Variants in STK4 observed in about 807,000 individuals in gnomAD.
STK4 encodes serine/threonine-protein kinase 4.
Under a neutral mutation model 64.9 loss-of-function variants are expected in STK4, and 30 were observed. The ratio of observed to expected loss-of-function variants is 0.46; its 90% CI spans 0.35 to 0.63. The LOEUF (loss-of-function observed/expected upper bound fraction) is 0.63, where lower values mean the gene tolerates loss of function less well. STK4 is among the 20% of genes least tolerant of loss of function. The pLI, the probability that STK4 is intolerant of heterozygous loss-of-function variation, is 0.01. For missense variants in STK4, 466 were observed against 598.5 expected, an observed-to-expected ratio of 0.78 and a Z score of 2.31; for synonymous variants, 177 against 199.0, an observed-to-expected ratio of 0.89 and a Z score of 0.93.
chr20:45,031,331 G>A (rs2068438899), intron 10 of STK4, among the ~76,000 whole-genome samples: 1 of 152,156 alleles, frequency 6.6e-6, no homozygotes, highest in Non-Finnish European at 1.5e-5. Context: ...TAGACTATGT[G>A]TAAGGAAGGA....
chr20:44,987,143 T>G lies in STK4; in HGVS notation c.372T>G (p.Asp124Glu). Residue 124 changes from aspartate (D) to glutamate (E), a missense_variant, in exon 5 of 11, where the codon GAT becomes GAG. Asp to Glu is a conservative substitution (Grantham distance 45). Around this residue, in one of 2 missense-constraint regions of STK4, gnomAD observed 190 missense variants for 289.7 expected, o/e 0.66. Coordinates refer to ENST00000372806, the MANE Select transcript of STK4 (RefSeq NM_006282.5). ...IRLRNKTLTEDEIATILQSTL... is the reference protein window; with the variant it reads ...IRLRNKTLTEEEIATILQSTL... ...TATTCTTTTTTCAGTTAACAGAAGATGAAATAGCTACAATATTACAATCAA... is the reference window on the plus strand; with the variant it reads ...TATTCTTTTTTCAGTTAACAGAAGAGGAAATAGCTACAATATTACAATCAA... The G allele has an allele frequency of 3.8e-6, 6 of 1,588,730 alleles. No individual in the cohort carries two copies. The highest frequency in any genetic ancestry group is 5.1e-6 in the Non-Finnish European group (6 of 1,168,200).
chr20:44,995,473 G>A (rs997391635), intron 6 of STK4, among the ~76,000 whole-genome samples: 2 of 151,970 alleles, frequency 1.3e-5, no homozygotes, highest in Non-Finnish European at 2.9e-5. Context: ...GGGTGTGGTG[G>A]CGTGCGCCTG....
At chr20:45,051,345 A>G (rs377064368) in intron 10 of STK4, among the ~76,000 whole-genome samples, 7 of 151,930 alleles carry the variant, frequency 4.6e-5, no homozygotes, top group African/African-American at 1.7e-4. Flanking sequence ...AATGCTTTTT[A>G]TTTTTCTCTT....
At chr20:45,021,828 A>G (rs6017469) in intron 9 of STK4, among the ~76,000 whole-genome samples, 23,121 of 152,212 alleles carry the variant, frequency 0.15, 1,914 homozygotes, top group East Asian at 0.22. Flanking sequence ...ATCCTACTAG[A>G]GATAAGAACT....
At chr20:45,026,900 A>G (rs1206399751) in intron 10 of STK4, among the ~76,000 whole-genome samples, 1 of 152,124 alleles carries the variant, frequency 6.6e-6, no homozygotes, top group Non-Finnish European at 1.5e-5. Flanking sequence ...CCAGGCTGCC[A>G]CTGCTAATCA....
Position 45,001,339 on chromosome 20 carries a change from A to C in STK4, c.1133A>C (p.Glu378Ala). The change falls in exon 9 of 11, where the codon GAA becomes GCA. Residue 378 changes from glutamate to alanine, a missense_variant. Coordinates refer to ENST00000372806, the MANE Select transcript of STK4 (RefSeq NM_006282.5). ...MVINAEDEEE[E>A]GTMKRRDETM... is the part of the protein sequence containing the mutation. ...ATCAATGCAGAGGATGAGGAAGAGGAAGGAACTATGAAAAGTAAGGCTCTG... is the reference window on the plus strand; with the variant it reads ...ATCAATGCAGAGGATGAGGAAGAGGCAGGAACTATGAAAAGTAAGGCTCTG... The C allele has an allele frequency of 6.2e-7, 1 of 1,609,934 alleles. No individual in the cohort carries two copies. Among genetic ancestry groups the C allele is most frequent in the South Asian group, 1.1e-5 (1 of 90,946 alleles).
chr20:45,052,070 G>A (rs887626788), intron 10 of STK4, among the ~76,000 whole-genome samples: 4 of 152,188 alleles, frequency 2.6e-5, no homozygotes, highest in African/African-American at 7.2e-5. Flanking sequence ...TGCACGTAAA[G>A]CACCTTTAGG....
chr20:44,971,156 A>G (rs1318625448), intron 1 of STK4, among the ~76,000 whole-genome samples: 3 of 151,022 alleles, frequency 2.0e-5, no homozygotes, highest in Admixed American at 6.6e-5. Context: ...CTTTAAGCTC[A>G]TTAGTAATTT....
intron 7 of STK4, among the ~76,000 whole-genome samples, chr20:44,999,599 G>A (rs878905702): frequency 6.6e-6 from 1 of 152,026 alleles, no homozygotes; most frequent in Non-Finnish European, 1.5e-5. Context: ...AACATATGAT[G>A]GTATTAATAT....
At chr20:45,009,635 T>G (rs1321279403) in intron 9 of STK4, among the ~76,000 whole-genome samples, 1 of 152,220 alleles carries the variant, frequency 6.6e-6, no homozygotes, top group African/African-American at 2.4e-5. Flanking sequence ...GTATATACAT[T>G]TTAATTATAT....
At chr20:45,053,129 A>G in intron 10 of STK4, 1 of 1,612,832 alleles carries the variant, frequency 6.2e-7, no homozygotes, top group Non-Finnish European at 8.5e-7. Flanking sequence ...ATATGTATCC[A>G]AAATTGCCAG....
intron 10 of STK4, among the ~76,000 whole-genome samples, chr20:45,060,585 C>T (rs1394726064): frequency 6.6e-6 from 1 of 152,192 alleles, no homozygotes; most frequent in Non-Finnish European, 1.5e-5. Flanking sequence ...CCTAATTCAA[C>T]CACTTACAAC....
At chr20:44,971,697 GTCTC>G (rs1193484821) in intron 1 of STK4, among the ~76,000 whole-genome samples, 6 of 115,814 alleles carry the variant, frequency 5.2e-5, no homozygotes, top group Admixed American at 2.3e-4. Flanking sequence ...TTTTGAGACA[GTCTC>G]TCTCTGTCAC....
chr20:44,978,955 C>T (rs1198088056), intron 3 of STK4, among the ~76,000 whole-genome samples: 4 of 151,966 alleles, frequency 2.6e-5, no homozygotes, highest in South Asian at 2.1e-4. Context: ...TGTGCCACTA[C>T]GCCCAGCTAA....
At chr20:45,056,744 G>A (rs1439909564) in intron 10 of STK4, among the ~76,000 whole-genome samples, 1 of 152,178 alleles carries the variant, frequency 6.6e-6, no homozygotes, top group African/African-American at 2.4e-5. Context: ...TTAAAGAGGG[G>A]AAATTTAATA....
chr20:45,058,337 T>C (rs1163947138), intron 10 of STK4, among the ~76,000 whole-genome samples: 4 of 152,186 alleles, frequency 2.6e-5, no homozygotes, highest in Admixed American at 2.6e-4. Context: ...TGTTATATAC[T>C]TTCCAGAAAC....
intron 7 of STK4, among the ~76,000 whole-genome samples, chr20:44,997,673 A>C (rs2067759998): frequency 6.6e-6 from 1 of 152,224 alleles, no homozygotes; most frequent in Admixed American, 6.5e-5. Context: ...TTCCAGCCTG[A>C]GCAATAGAGT....
chr20:45,029,697 G>T (rs1439744910), intron 10 of STK4, among the ~76,000 whole-genome samples: 1 of 152,222 alleles, frequency 6.6e-6, no homozygotes, highest in Non-Finnish European at 1.5e-5. Flanking sequence ...ACCCCAGGCA[G>T]ACTGAATAGG....
At chr20:44,972,252 T>C in intron 2 of STK4, 94 bp downstream of exon 2, 1 of 1,111,348 alleles carries the variant, frequency 9.0e-7, no homozygotes, top group Non-Finnish European at 1.3e-6. Context: ...AGCATTGTTC[T>C]AGGTGGGGTG....
Sources: gnomAD v4.1 joint callset for allele counts (sites outside exome capture counted in the v4.1 genomes callset) on GRCh38, gnomAD v4.1.1 for gene constraint, gnomAD v4.1.1 regional missense constraint, MANE v1.5 for transcripts, NCBI Gene and HGNC (gene_info 2026-07-23, HGNC 2026-07-21) for gene names.